Variants in ZNF277 observed in about 807,000 individuals in gnomAD.
The protein encoded by ZNF277 is zinc finger protein 277, also known as nuclear receptor-interacting factor 4.
In ZNF277, 55 loss-of-function variants were observed where a neutral mutation model predicts 60.7. The observed-to-expected ratio is 0.91, with a 90% CI of 0.73 to 1.13. The LOEUF (loss-of-function observed/expected upper bound fraction) is 1.13, where lower values mean the gene tolerates loss of function less well. Ranked by LOEUF, ZNF277 falls within the 50% of genes most tolerant of loss-of-function variation. The probability of loss-of-function intolerance (pLI) is 0.00; values close to 1 mark genes in which losing one functional copy is unlikely to be tolerated. For missense variants in ZNF277, 510 were observed against 523.0 expected (o/e 0.98, Z 0.24); for synonymous variants, 178 against 179.3 (o/e 0.99, Z 0.06).
intron 1 of ZNF277, among the ~76,000 whole-genome samples, chr7:112,269,714 A>G (rs1584362670): frequency 6.6e-6 from 1 of 152,136 alleles, no homozygotes; most frequent in Admixed American, 6.6e-5. Context: ...GCTGTAAGCC[A>G]TGATATACTG....
intron 1 of ZNF277, among the ~76,000 whole-genome samples, chr7:112,250,295 C>T (rs572614393): frequency 6.6e-6 from 1 of 152,104 alleles, no homozygotes; most frequent in Non-Finnish European, 1.5e-5. Context: ...ATCTCAAAAC[C>T]CTGTCTCCTG....
At chr7:112,236,116 AC>A (rs1219225268) in intron 1 of ZNF277, among the ~76,000 whole-genome samples, 1 of 152,062 alleles carries the variant, frequency 6.6e-6, no homozygotes, top group African/African-American at 2.4e-5. Flanking sequence ...TGATGCTAGT[AC>A]CACACTATCT....
At chr7:112,330,781 T>C (rs1395978136) in intron 7 of ZNF277, among the ~76,000 whole-genome samples, 1 of 151,802 alleles carries the variant, frequency 6.6e-6, no homozygotes, top group African/African-American at 2.4e-5. Context: ...ACAGGGTTTC[T>C]CCATGTTGGC....
At chr7:112,254,946 C>T (rs1035895922) in intron 1 of ZNF277, among the ~76,000 whole-genome samples, 3 of 152,126 alleles carry the variant, frequency 2.0e-5, no homozygotes, top group African/African-American at 7.2e-5. Flanking sequence ...GTACTCCAGC[C>T]TGGGTGACAG....
At chr7:112,225,974 T>A (rs1318482824) in intron 1 of ZNF277, among the ~76,000 whole-genome samples, 2 of 152,204 alleles carry the variant, frequency 1.3e-5, no homozygotes, top group Non-Finnish European at 2.9e-5. Context: ...GTGTGCTAAT[T>A]TTTGTGACTG....
intron 4 of ZNF277, among the ~76,000 whole-genome samples, chr7:112,309,974 G>A (rs1314266760): frequency 6.6e-6 from 1 of 152,102 alleles, no homozygotes; most frequent in Non-Finnish European, 1.5e-5. Context: ...TCCTAAGGAT[G>A]CATTGTTCTC....
At chr7:112,207,138 G>T (rs1821528704) in intron 1 of ZNF277, among the ~76,000 whole-genome samples, 1 of 152,240 alleles carries the variant, frequency 6.6e-6, no homozygotes, top group South Asian at 2.1e-4. Flanking sequence ...GTTTGGTTCA[G>T]ATCTGGTTCG....
At chr7:112,321,472 C>A (rs1215721158) in intron 5 of ZNF277, among the ~76,000 whole-genome samples, 1 of 151,974 alleles carries the variant, frequency 6.6e-6, no homozygotes, top group East Asian at 1.9e-4. Context: ...ATACAATTAT[C>A]TTTCATATCA....
At chr7:112,232,575 A>G (rs1316395887) in intron 1 of ZNF277, among the ~76,000 whole-genome samples, 1 of 152,214 alleles carries the variant, frequency 6.6e-6, no homozygotes, top group Non-Finnish European at 1.5e-5. Context: ...GAAAGGTATT[A>G]TAGCAAGGAT....
intron 9 of ZNF277, among the ~76,000 whole-genome samples, chr7:112,338,396 C>T (rs571643200): frequency 2.0e-5 from 3 of 152,234 alleles, no homozygotes; most frequent in South Asian, 2.1e-4. Flanking sequence ...AGGACACACA[C>T]CCTGCACCTC....
intron 1 of ZNF277, among the ~76,000 whole-genome samples, chr7:112,257,814 C>T (rs1383999420): frequency 6.6e-6 from 1 of 151,834 alleles, no homozygotes; most frequent in Non-Finnish European, 1.5e-5. Flanking sequence ...TTTTATTTTA[C>T]TTTATTTAAT....
At chr7:112,306,725 TAAAA>T (rs67485888) in intron 4 of ZNF277, among the ~76,000 whole-genome samples, 8,958 of 152,094 alleles carry the variant, frequency 0.059, 712 homozygotes, top group African/African-American at 0.18. Flanking sequence ...TCCTGTCTTT[TAAAA>T]GAAAAGGCCT....
At chr7:112,249,985 G>C (rs1227363145) in intron 1 of ZNF277, among the ~76,000 whole-genome samples, 1 of 152,130 alleles carries the variant, frequency 6.6e-6, no homozygotes, top group Non-Finnish European at 1.5e-5. Context: ...ATTGTTCAGG[G>C]AATAAGAGAG....
chr7:112,337,733 C>T lies in ZNF277; in HGVS notation c.873C>T (p.Asp291=), dbSNP rs200501252. Residue 291 remains aspartate, a synonymous_variant, in exon 9 of 12, where the codon GAC becomes GAT. Coordinates refer to ENST00000361822, the MANE Select transcript of ZNF277 (RefSeq NM_021994.3). ...DRELLDHQED[D]WSDWEEHPAS... The stretch of plus-strand genomic sequence containing the variant: ...TCTCTCCTCTTTTTTAATTCAGTGA[C>T]TGGTCTGATTGGGAAGAACACCCTG... The T allele has an allele frequency of 9.3e-6, 15 of 1,611,084 alleles. No individual in the cohort carries two copies. The African/African-American group carries it at 1.6e-4, about 17-fold the overall frequency.
intron 6 of ZNF277, among the ~76,000 whole-genome samples, chr7:112,329,021 C>T (rs1379837403): frequency 6.6e-6 from 1 of 152,034 alleles, no homozygotes; most frequent in Non-Finnish European, 1.5e-5. Context: ...ACCAGATGTG[C>T]CTTCTAGCAA....
chr7:112,285,246 G>A (rs2117059145), intron 1 of ZNF277, among the ~76,000 whole-genome samples: 1 of 151,822 alleles, frequency 6.6e-6, no homozygotes, highest in East Asian at 1.9e-4. Context: ...TGGCCAGGAT[G>A]GTCTTGATCT....
chr7:112,342,514 T>C, intron 11 of ZNF277, 47 bp from the exon 12 acceptor site: 1 of 1,408,842 alleles, frequency 7.1e-7, no homozygotes, highest in Non-Finnish European at 9.4e-7. Flanking sequence ...ACCTGGACAC[T>C]GTATTAGCTT....
At chr7:112,208,596 C>CTTCT (rs1358737189) in intron 1 of ZNF277, among the ~76,000 whole-genome samples, 1 of 109,516 alleles carries the variant, frequency 9.1e-6, no homozygotes, top group African/African-American at 3.1e-5. Context: ...TCTTCTTCTT[C>CTTCT]TTTTTTTTTT....
chr7:112,206,915 C>A, intron 1 of ZNF277, 108 bp downstream of exon 1: 1 of 1,121,976 alleles, frequency 8.9e-7, no homozygotes, highest in Non-Finnish European at 1.2e-6. Flanking sequence ...TCTGGGGCCA[C>A]CTGGGTTCGA....
Sources: gnomAD v4.1 joint callset for allele counts (sites outside exome capture counted in the v4.1 genomes callset) on GRCh38, gnomAD v4.1.1 for gene constraint, MANE v1.5 for transcripts, NCBI Gene and HGNC (gene_info 2026-07-23, HGNC 2026-07-21) for gene names.